Variants in PAX4 observed in about 807,000 individuals in gnomAD.
PAX4 encodes the protein paired box protein Pax-4.
A neutral mutation model predicts 40.6 loss-of-function variants in PAX4; 33 were observed. The ratio of observed to expected loss-of-function variants is 0.81; its 90% confidence interval spans 0.62 to 1.09. The LOEUF (loss-of-function observed/expected upper bound fraction) is 1.09. PAX4 is among the 50% of genes least tolerant of loss of function. The pLI is 0.00. For synonymous variants in PAX4, 174 were observed against 170.6 expected (o/e 1.02, Z -0.16); for missense variants, 459 against 442.5 (o/e 1.04, Z -0.33).
chr7:127,615,723 T>G, intron 3 of PAX4, 192 bp from the exon 4 acceptor site: 1 of 1,504,172 alleles, frequency 6.6e-7, no homozygotes, highest in Non-Finnish European at 8.8e-7. Context: ...CGGGTGAGTC[T>G]TTGTTCCTTG....
intron 5 of PAX4, 100 bp downstream of exon 5, chr7:127,614,780 C>G: frequency 6.7e-7 from 1 of 1,500,110 alleles, no homozygotes; most frequent in Middle Eastern, 2.0e-4. Flanking sequence ...GGAGCCCTGT[C>G]ACCAGCTTGG....
chr7:127,611,660 A>G lies in PAX4; in HGVS notation c.788T>C (p.Val263Ala), dbSNP rs773621758. 1 of 1,612,340 alleles carries G rather than the reference A, an allele frequency of 6.2e-7. No homozygotes were observed. The change falls in exon 11 of 12, where the codon GTG becomes GCG. Residue 263 changes from valine to alanine, a missense_variant. Coordinates refer to ENST00000639438, the MANE Select transcript of PAX4 (RefSeq NM_001366110.1). ...IISAQQSPGS[V>A]PTAALPALEP... The stretch of plus-strand genomic sequence containing the variant: ...CAGGGCAGGCAGGGCTGCTGTGGGC[A>G]CACTGCCAGGGGACTGCTAAAAAAA...
At position 127,615,975 on chromosome 7, in the gene PAX4, G is replaced by C. The variant is rs1294716813; in HGVS notation, c.-47C>G. 2.0e-6 allele frequency: 3 copies of C among 1,535,514 alleles called. No homozygotes were observed. Among genetic ancestry groups the C allele is most frequent in the Non-Finnish European group, 2.6e-6 (3 of 1,146,534 alleles). ...GAAGGATGAGACTCCAGCTGGGAAGGCTGGGAAGGGAAGTTCCTTCTAGGA... is the reference window on the plus strand; with the variant it reads ...GAAGGATGAGACTCCAGCTGGGAAGCCTGGGAAGGGAAGTTCCTTCTAGGA... On this transcript the variant is annotated 5_prime_UTR_variant, in exon 3 of 12. Coordinates refer to ENST00000639438, the MANE Select transcript of PAX4 (RefSeq NM_001366110.1).
chr7:127,610,572 C>CGG lies in PAX4; in HGVS notation c.*491_*492insCC. ...GTGTGTGTGTGTGTGTGTGTGTGTG[C>CGG]GCGCACGCATGCACGCATACATAAT... On this transcript the variant is annotated 3_prime_UTR_variant, in exon 12 of 12. Transcript: ENST00000639438. 3.6e-6 allele frequency: 1 copy of CGG among 275,640 alleles called. No homozygotes were observed. Among genetic ancestry groups the CGG allele is most frequent in the Non-Finnish European group, 6.4e-6 (1 of 156,826 alleles). 17.1% of individuals were successfully genotyped at this position (275,640 alleles called of 1,614,324 possible).
chr7:127,616,318 T>G (rs1393766335), intron 2 of PAX4, among the ~76,000 whole-genome samples: 1 of 152,134 alleles, frequency 6.6e-6, no homozygotes, highest in Non-Finnish European at 1.5e-5. Context: ...GGATAATGCT[T>G]TCAAATGCTC....
chr7:127,614,807 A>C (rs1350918510), intron 5 of PAX4, 73 bp downstream of exon 5: 77 of 1,556,930 alleles, frequency 4.9e-5, no homozygotes, highest in Non-Finnish European at 6.5e-5. Flanking sequence ...CACATTGCCA[A>C]ATAAGAAAGG....
chr7:127,617,695 A>G (rs1185668500), intron 1 of PAX4, among the ~76,000 whole-genome samples: 1 of 152,212 alleles, frequency 6.6e-6, no homozygotes, highest in African/African-American at 2.4e-5. Context: ...ATCCAAACCT[A>G]AATAATCTCC....
At chr7:127,616,320 C>T (rs1467543929) in intron 2 of PAX4, among the ~76,000 whole-genome samples, 1 of 152,156 alleles carries the variant, frequency 6.6e-6, no homozygotes, top group African/African-American at 2.4e-5. Flanking sequence ...ATAATGCTTT[C>T]AAATGCTCAA....
At chr7:127,617,783 T>C (rs1160848195) in intron 1 of PAX4, among the ~76,000 whole-genome samples, 179 bp downstream of exon 1, 1 of 152,106 alleles carries the variant, frequency 6.6e-6, no homozygotes, top group Non-Finnish European at 1.5e-5. Context: ...CCAACATTCA[T>C]ATTAACATGT....
rs542749192 is a variant in PAX4 at position 127,615,988 on chromosome 7, G to T, written c.-60C>A. On this transcript the variant is annotated 5_prime_UTR_variant, in exon 3 of 12. Transcript: ENST00000639438. ...CCAGCTGGGAAGGCTGGGAAGGGAA[G>T]TTCCTTCTAGGAGCTCCTTTTCCAG... is the stretch of plus-strand genomic sequence containing the variant. 12 of 1,531,140 alleles carry T rather than the reference G, an allele frequency of 7.8e-6. No homozygotes were observed. In the South Asian group the frequency reaches 1.3e-4, roughly 17 times the overall value. The allele number at this position is 1,531,140 out of a possible 1,614,324, so 94.8% of individuals were successfully genotyped here. A position where few individuals can be genotyped will look rare whatever the true frequency, so the allele number is the denominator to read the frequency against.
chr7:127,610,866 G>T lies in PAX4; in HGVS notation c.*198C>A. ...GCCTCTTAAGGCTAGTGTGAGAAGTGGGTGGGTGTTGCTTTACCAGCCCCT... is the reference window on the plus strand; with the variant it reads ...GCCTCTTAAGGCTAGTGTGAGAAGTTGGTGGGTGTTGCTTTACCAGCCCCT... On this transcript the variant is annotated 3_prime_UTR_variant, in exon 12 of 12. Transcript: ENST00000639438. 6 of 1,538,630 alleles carry T rather than the reference G, an allele frequency of 3.9e-6. No homozygotes were observed. Among genetic ancestry groups the T allele is most frequent in the Non-Finnish European group, 5.2e-6 (6 of 1,146,812 alleles).
Position 127,614,528 on chromosome 7 carries a change from T to A in PAX4, c.390A>T (p.Ala130=). Residue 130 remains alanine, a synonymous_variant, in exon 6 of 12, where the codon GCA becomes GCT. Coordinates refer to ENST00000639438, the MANE Select transcript of PAX4 (RefSeq NM_001366110.1). ...SVSSINRVLR[A]LQEDQGLPCT... ...ACGGTAGTCCCTGGTCCTCCTGTAA[T>A]GCCCGCAGGACTCGGTTGATGGAGG... 1.3e-6 allele frequency: 2 copies of A among 1,596,684 alleles called. No homozygotes were observed. The highest frequency in any genetic ancestry group is 1.7e-6 in the Non-Finnish European group (2 of 1,171,248).
intron 1 of PAX4, 90 bp from the exon 2 acceptor site, chr7:127,617,490 G>C (rs946586148): frequency 4.6e-5 from 7 of 152,126 alleles, no homozygotes; most frequent in African/African-American, 1.4e-4. Flanking sequence ...CTCTTTCTCT[G>C]CTCCCACCCC....
rs771945147 is a variant in PAX4, at chr7:127,611,678, T to G, written c.772-2A>C. 6 of 1,261,518 alleles carry G rather than the reference T, an allele frequency of 4.8e-6. No homozygotes were observed. Among genetic ancestry groups the G allele is most frequent in the Non-Finnish European group, 6.6e-6 (6 of 905,250 alleles). 78.1% of individuals were successfully genotyped at this position (1,261,518 alleles called of 1,614,324 possible). A position where few individuals can be genotyped will look rare whatever the true frequency, so the allele number is the denominator to read the frequency against. On this transcript the variant is annotated splice_acceptor_variant, in intron 10 of 11. Coordinates refer to ENST00000639438, the MANE Select transcript of PAX4 (RefSeq NM_001366110.1). LOFTEE classifies it high-confidence loss of function. ...TGTGGGCACACTGCCAGGGGACTGC[T>G]AAAAAAAAAAAGCAAGAGAAGAACC... is the stretch of plus-strand genomic sequence containing the variant.
At position 127,613,462 on chromosome 7, in the gene PAX4, C is replaced by T. The variant is rs1794669387; in HGVS notation, c.633G>A (p.Glu211=). The change falls in exon 8 of 12, where the codon GAG becomes GAA. Residue 211 remains glutamate, a synonymous_variant. Transcript: ENST00000639438. ...AGAGCTCACTCACCCTCACCGTGTC[C>T]TCAGGCAGAGAGGTGGCAGTAGCCA... ...GKLATATSLP[E]DTVRVWFSNR... is the part of the protein sequence containing the mutation. 1 of 1,614,134 alleles carries T rather than the reference C, an allele frequency of 6.2e-7. No individual in the cohort carries two copies. The highest frequency in any genetic ancestry group is 2.2e-5 in the East Asian group (1 of 44,882).
chr7:127,613,804 G>C lies in PAX4; in HGVS notation c.514C>G (p.Arg172Gly). Reference sequence around the variant, plus strand: ...CTTGGGGAGAAGATAGTCCGATTCCGGTGGCCGGTCCCTGGGTGGGTACCC... The same window carrying C: ...CTTGGGGAGAAGATAGTCCGATTCCCGTGGCCGGTCCCTGGGTGGGTACCC... ...PRGTHPGTGH[R>G]NRTIFSPSQA... The change falls in exon 7 of 12, where the codon CGG (arginine) becomes GGG (glycine). Residue 172 changes from arginine (R) to glycine (G), a missense_variant. Arg to Gly is a moderately radical substitution (Grantham distance 125). Coordinates refer to ENST00000639438, the MANE Select transcript of PAX4 (RefSeq NM_001366110.1). 1 of 1,614,034 alleles carries C rather than the reference G, an allele frequency of 6.2e-7. No homozygotes were observed. Among genetic ancestry groups the C allele is most frequent in the Middle Eastern group, 1.7e-4 (1 of 6,058 alleles).
At position 127,613,089 on chromosome 7, in the gene PAX4, G is replaced by T; in HGVS notation, c.648C>A (p.Val216=). Residue 216 remains valine (V), a splice_region_variant and synonymous_variant, in exon 9 of 12, where the codon GTC becomes GTA. Transcript: ENST00000639438. ...ATSLPEDTVR[V]WFSNRRAKWR... ...ATTTGGCTCTTCTGTTGGAAAACCAGACCTGAGCGAGGACAGGGACAATGC... is the reference window on the plus strand; with the variant it reads ...ATTTGGCTCTTCTGTTGGAAAACCATACCTGAGCGAGGACAGGGACAATGC... 1 of 1,613,220 alleles carries T rather than the reference G, an allele frequency of 6.2e-7. No homozygotes were observed.
At position 127,611,170 on chromosome 7, in the gene PAX4, C is replaced by A; in HGVS notation, c.950G>T (p.Gly317Val). 6.2e-7 allele frequency: 1 copy of A among 1,605,066 alleles called. No homozygotes were observed. The highest frequency in any genetic ancestry group is 8.5e-7 in the Non-Finnish European group (1 of 1,175,938). ...LPPQPNSLDS[G>V]LLCLPCPSSH... is the part of the protein sequence containing the mutation. ...GGAAGGGCAAGGAAGGCAAAGCAGTCCTGAGTCCAGGGAATTCGGCTGTGG... is the reference window on the plus strand; with the variant it reads ...GGAAGGGCAAGGAAGGCAAAGCAGTACTGAGTCCAGGGAATTCGGCTGTGG... The change falls in exon 12 of 12, where the codon GGA (glycine) becomes GTA (valine). Residue 317 changes from glycine (G) to valine (V), a missense_variant. Transcript: ENST00000639438.
intron 5 of PAX4, 89 bp from the exon 6 acceptor site, chr7:127,614,646 T>A: frequency 8.2e-7 from 1 of 1,224,702 alleles, no homozygotes; most frequent in Non-Finnish European, 1.2e-6. Flanking sequence ...CTTTTTCCCA[T>A]CTGTCTCCAC....
Sources: gnomAD v4.1 joint callset for allele counts (sites outside exome capture counted in the v4.1 genomes callset) on GRCh38, gnomAD v4.1.1 for gene constraint, MANE v1.5 for transcripts, NCBI Gene and HGNC (gene_info 2026-07-23, HGNC 2026-07-21) for gene names.